The following PGM2L1 variants were observed in gnomAD, a reference collection of about 807,000 sequenced individuals.
The protein encoded by PGM2L1 is glucose 1,6-bisphosphate synthase.
PGM2L1 carries 35 observed loss-of-function variants against 73.4 expected under a neutral mutation model. The observed-to-expected ratio is 0.48, with a 90% CI of 0.36 to 0.63. PGM2L1 has a LOEUF of 0.63. Ranked by LOEUF, PGM2L1 falls within the 30% of genes least tolerant of loss-of-function variation. The pLI is 0.00. For missense variants in PGM2L1, 570 were observed against 742.0 expected (o/e 0.77, Z 2.69); for synonymous variants, 225 against 253.8 (o/e 0.89, Z 1.08).
Position 74,342,871 on chromosome 11 carries a change from ATAG to A in PGM2L1, c.1442+11_1442+13del, listed in dbSNP as rs1862203630. On this transcript the variant is annotated intron_variant, in intron 11 of 13. Coordinates refer to ENST00000298198, the MANE Select transcript of PGM2L1 (RefSeq NM_173582.6). ...AAAAATCTAGCATGTGAAATTCATAATAGTAGAACTTACTTTTCATAAACCTTA... is the reference window on the plus strand; with the variant it reads ...AAAAATCTAGCATGTGAAATTCATAATAGAACTTACTTTTCATAAACCTTA... 2 of 1,573,518 alleles carry A rather than the reference ATAG, an allele frequency of 1.3e-6. No homozygotes were observed. The highest frequency in any genetic ancestry group is 2.7e-5 in the African/African-American group (2 of 72,782).
At chr11:74,342,296 C>T (rs1228295195) in intron 12 of PGM2L1, among the ~76,000 whole-genome samples, 165 bp downstream of exon 12, 1 of 152,136 alleles carries the variant, frequency 6.6e-6, no homozygotes, top group Non-Finnish European at 1.5e-5. Context: ...TTGCCCTATA[C>T]ATCTCTTCCA....
intron 5 of PGM2L1, among the ~76,000 whole-genome samples, chr11:74,357,564 A>G (rs1862478676): frequency 6.6e-6 from 1 of 152,238 alleles, no homozygotes; most frequent in African/African-American, 2.4e-5. Context: ...AGGAGCTCTC[A>G]TTTATTGCTG....
rs74366445 is a variant in PGM2L1 at position 74,373,829 on chromosome 11, A to G, written c.279+586T>C. ...TGCTAATATACATTTCTTGGTTTCA[A>G]ATGCAAAGCAACATTGTTAAGAAGT... On this transcript the variant is annotated intron_variant, in intron 2 of 13. Coordinates refer to ENST00000298198, the MANE Select transcript of PGM2L1 (RefSeq NM_173582.6). Among the ~76,000 whole-genome samples the G allele has an allele frequency of 4.7e-3, 717 of 152,268 alleles. 7 individuals carry two copies. Among genetic ancestry groups the G allele is most frequent in the African/African-American group, 0.016 (678 of 41,554 alleles).
Position 74,336,311 on chromosome 11 carries a change from C to A in PGM2L1, c.*341G>T, listed in dbSNP as rs550001399. The stretch of plus-strand genomic sequence containing the variant: ...TCTTTTACCATGCTATACACAATTA[C>A]GAGATACAGAACTAGGCTTAATCAC... On this transcript the variant is annotated 3_prime_UTR_variant, in exon 14 of 14. Coordinates refer to ENST00000298198, the MANE Select transcript of PGM2L1 (RefSeq NM_173582.6). 6.4e-6 allele frequency: 1 copy of A among 156,782 alleles called. No individual in the cohort carries two copies. The highest frequency in any genetic ancestry group is 1.8e-4 in the East Asian group (1 of 5,496). 9.7% of individuals were successfully genotyped at this position (156,782 alleles called of 1,614,324 possible). A position where few individuals can be genotyped will look rare whatever the true frequency, so the allele number is the denominator to read the frequency against.
chr11:74,343,968 G>T (rs1409717023), intron 9 of PGM2L1, among the ~76,000 whole-genome samples: 1 of 151,532 alleles, frequency 6.6e-6, no homozygotes, highest in African/African-American at 2.4e-5. Context: ...GTAGAGACGG[G>T]GTTTCACCAT....
At chr11:74,375,208 G>T (rs1565443527) in intron 1 of PGM2L1, among the ~76,000 whole-genome samples, 1 of 152,210 alleles carries the variant, frequency 6.6e-6, no homozygotes, top group Non-Finnish European at 1.5e-5. Flanking sequence ...TGTTAAGTGT[G>T]AATTTAATTA....
At chr11:74,383,919 C>T (rs1489178335) in intron 1 of PGM2L1, among the ~76,000 whole-genome samples, 1 of 149,288 alleles carries the variant, frequency 6.7e-6, no homozygotes, top group Non-Finnish European at 1.5e-5. Context: ...AATAGTGCTG[C>T]AATGAACATA....
intron 1 of PGM2L1, among the ~76,000 whole-genome samples, chr11:74,386,583 T>G (rs1246444231): frequency 1.3e-5 from 2 of 151,872 alleles, no homozygotes; most frequent in Non-Finnish European, 2.9e-5. Flanking sequence ...TCAAGCAATC[T>G]TCCCACCTAA....
chr11:74,352,768 TC>T (rs1862377533), intron 5 of PGM2L1, among the ~76,000 whole-genome samples: 2 of 152,176 alleles, frequency 1.3e-5, no homozygotes, highest in African/African-American at 4.8e-5. Flanking sequence ...AAGGGACGAC[TC>T]CAGGCAGTGG....
At chr11:74,345,393 A>G in intron 9 of PGM2L1, 76 bp downstream of exon 9, 1 of 1,211,346 alleles carries the variant, frequency 8.3e-7, no homozygotes, top group Non-Finnish European at 1.2e-6. Context: ...AATGAAAGTC[A>G]GTCTTGGTGG....
intron 12 of PGM2L1, among the ~76,000 whole-genome samples, chr11:74,340,854 A>C (rs1033248719): frequency 1.3e-5 from 2 of 152,194 alleles, no homozygotes; most frequent in African/African-American, 4.8e-5. Context: ...TAAGTCTTAT[A>C]GTAGCTGAGG....
chr11:74,346,448 G>A (rs1189408712), intron 8 of PGM2L1, among the ~76,000 whole-genome samples: 1 of 152,014 alleles, frequency 6.6e-6, no homozygotes, highest in Non-Finnish European at 1.5e-5. Flanking sequence ...CCATTACACT[G>A]TAAGCAGTTT....
rs747379919 is a variant in PGM2L1, at chr11:74,347,131, A to C, written c.939+17T>G. Reference sequence around the variant, plus strand: ...GGTTTAATAAACTAATAATAATTTAAATATTTAAAAAAATACCAGCACAGA... The same window carrying C: ...GGTTTAATAAACTAATAATAATTTACATATTTAAAAAAATACCAGCACAGA... On this transcript the variant is annotated intron_variant, in intron 7 of 13. Transcript: ENST00000298198. The C allele has an allele frequency of 1.2e-5, 18 of 1,496,952 alleles. No homozygotes were observed. Among genetic ancestry groups the C allele is most frequent in the Non-Finnish European group, 1.6e-5 (18 of 1,118,936 alleles). The allele number at this position is 1,496,952 out of a possible 1,614,324, so 92.7% of individuals were successfully genotyped here. A position where few individuals can be genotyped will look rare whatever the true frequency, so the allele number is the denominator to read the frequency against.
intron 5 of PGM2L1, among the ~76,000 whole-genome samples, chr11:74,364,845 A>C (rs1199069598): frequency 6.6e-6 from 1 of 152,164 alleles, no homozygotes; most frequent in Non-Finnish European, 1.5e-5. Flanking sequence ...GACTTTCTTC[A>C]CAGAATTGGA....
intron 1 of PGM2L1, among the ~76,000 whole-genome samples, chr11:74,385,520 A>G (rs930251999): frequency 4.6e-5 from 7 of 152,180 alleles, no homozygotes; most frequent in African/African-American, 1.7e-4. Flanking sequence ...ACAAGACTCC[A>G]TTATACCAGA....
At chr11:74,374,360 G>A in intron 2 of PGM2L1, 55 bp downstream of exon 2, 3 of 1,421,608 alleles carry the variant, frequency 2.1e-6, no homozygotes, top group South Asian at 3.1e-5. Context: ...GGGATTACAG[G>A]CATGAGCCAC....
At chr11:74,394,667 C>T (rs1045397762) in intron 1 of PGM2L1, among the ~76,000 whole-genome samples, 2 of 152,180 alleles carry the variant, frequency 1.3e-5, no homozygotes, top group Non-Finnish European at 2.9e-5. Flanking sequence ...TTAATACACA[C>T]ATTAAAATTT....
intron 1 of PGM2L1, among the ~76,000 whole-genome samples, chr11:74,391,424 A>G (rs1863100531): frequency 6.6e-6 from 1 of 152,048 alleles, no homozygotes; most frequent in Non-Finnish European, 1.5e-5. Context: ...TTTCTGGGGA[A>G]GTTACTCCAC....
At chr11:74,382,925 T>C (rs1043872187) in intron 1 of PGM2L1, among the ~76,000 whole-genome samples, 1 of 152,198 alleles carries the variant, frequency 6.6e-6, no homozygotes, top group Non-Finnish European at 1.5e-5. Flanking sequence ...ATGGGACATA[T>C]AGGTGCAGCC....
Sources: allele counts gnomAD v4.1 joint callset (sites outside exome capture counted in the v4.1 genomes callset), GRCh38; gene constraint gnomAD v4.1.1; transcripts MANE v1.5; gene names NCBI Gene and HGNC (gene_info 2026-07-23, HGNC 2026-07-21).